The following PACRG variants were observed in gnomAD, a reference collection of about 807,000 sequenced individuals.
PACRG encodes parkin coregulated, also known as parkin coregulated gene protein.
In PACRG, 29 loss-of-function variants were observed where a neutral mutation model predicts 29.7. The ratio of observed to expected loss-of-function variants is 0.98; its 90% CI spans 0.73 to 1.33. The LOEUF is 1.33. Among genes scored for constraint, PACRG ranks in the 40% most tolerant of loss-of-function variants. The pLI is 0.00. For missense variants in PACRG, 279 were observed against 316.2 expected (o/e 0.88, Z 0.89); for synonymous variants, 116 against 118.7 (o/e 0.98, Z 0.15).
intron 2 of PACRG, among the ~76,000 whole-genome samples, chr6:162,957,039 T>TA (rs1173815340): frequency 7.7e-4 from 111 of 144,592 alleles, no homozygotes; most frequent in African/African-American, 7.1e-4. Flanking sequence ...GTAAAGCGTT[T>TA]AAAAAAAAAA....
chr6:163,130,792 G>A (rs1816703504), intron 4 of PACRG, among the ~76,000 whole-genome samples: 1 of 152,170 alleles, frequency 6.6e-6, no homozygotes, highest in Non-Finnish European at 1.5e-5. Flanking sequence ...GCCTGGGGTT[G>A]TGTCTGATCT....
chr6:162,976,435 A>T (rs1801966510), intron 2 of PACRG, among the ~76,000 whole-genome samples: 1 of 152,154 alleles, frequency 6.6e-6, no homozygotes, highest in Non-Finnish European at 1.5e-5. Flanking sequence ...TGGATAAAGG[A>T]CTGGAGTTGA....
chr6:163,180,353 C>G (rs1562952320), intron 4 of PACRG, among the ~76,000 whole-genome samples: 2 of 152,186 alleles, frequency 1.3e-5, no homozygotes, highest in African/African-American at 4.8e-5. Flanking sequence ...ACAAGATGTT[C>G]TACTAACTAG....
intron 2 of PACRG, among the ~76,000 whole-genome samples, chr6:163,015,481 A>C (rs148084441): frequency 0.013 from 1,997 of 152,300 alleles, 70 homozygotes; most frequent in Admixed American, 0.081. Context: ...CTTCTAATCC[A>C]TGAGCACAGA....
chr6:162,792,101 T>C (rs149456487), intron 1 of PACRG, among the ~76,000 whole-genome samples: 1 of 151,502 alleles, frequency 6.6e-6, no homozygotes, highest in African/African-American at 2.4e-5. Flanking sequence ...TTGAATGGAG[T>C]AGAGAAGTGT....
chr6:163,115,092 A>G (rs1423889070), intron 4 of PACRG, among the ~76,000 whole-genome samples: 1 of 152,226 alleles, frequency 6.6e-6, no homozygotes, highest in East Asian at 1.9e-4. Context: ...GTAATCAACC[A>G]TTGAAACTGT....
chr6:162,865,105 A>G (rs1792187239), intron 2 of PACRG, among the ~76,000 whole-genome samples: 1 of 152,196 alleles, frequency 6.6e-6, no homozygotes, highest in South Asian at 2.1e-4. Context: ...TCCCTCTAGG[A>G]CGGGATAAAA....
chr6:163,037,813 C>T (rs534992821), intron 2 of PACRG, among the ~76,000 whole-genome samples: 2 of 152,226 alleles, frequency 1.3e-5, no homozygotes, highest in Non-Finnish European at 2.9e-5. Flanking sequence ...GCTCTCCACT[C>T]ACCCTGTCTC....
intron 4 of PACRG, among the ~76,000 whole-genome samples, chr6:163,173,618 C>G (rs772507733): frequency 3.5e-4 from 54 of 152,310 alleles, no homozygotes; most frequent in African/African-American, 8.7e-4. Flanking sequence ...CGCTCTCCCC[C>G]GCAAGTGGCA....
At chr6:162,804,372 C>G (rs981030990) in intron 1 of PACRG, among the ~76,000 whole-genome samples, 3 of 152,138 alleles carry the variant, frequency 2.0e-5, no homozygotes, top group Non-Finnish European at 4.4e-5. Flanking sequence ...TAATCTAGGA[C>G]AGTGACTGAG....
At chr6:162,792,423 C>A (rs2128328282) in intron 1 of PACRG, among the ~76,000 whole-genome samples, 1 of 152,190 alleles carries the variant, frequency 6.6e-6, no homozygotes, top group South Asian at 2.1e-4. Context: ...AAATGGTAGT[C>A]TTAGAGTGGG....
chr6:162,883,807 GAACT>G (rs1249903270), intron 2 of PACRG, among the ~76,000 whole-genome samples: 37 of 152,026 alleles, frequency 2.4e-4, no homozygotes, highest in African/African-American at 8.7e-4. Flanking sequence ...ATTCCACATA[GAACT>G]TTTGAGTCCC....
chr6:163,060,257 T>A (rs1225036328), intron 2 of PACRG, among the ~76,000 whole-genome samples: 1 of 152,076 alleles, frequency 6.6e-6, no homozygotes. Context: ...AGTGTGACAA[T>A]AAGCTAAAAG....
chr6:162,871,957 A>T (rs1030444477), intron 2 of PACRG, among the ~76,000 whole-genome samples: 2 of 152,140 alleles, frequency 1.3e-5, no homozygotes, highest in African/African-American at 2.4e-5. Flanking sequence ...ACAAAAAAAA[A>T]CAAAAGACTA....
At chr6:163,065,879 G>A (rs147350560) in intron 3 of PACRG, among the ~76,000 whole-genome samples, 94 of 152,294 alleles carry the variant, frequency 6.2e-4, no homozygotes, top group Middle Eastern at 3.4e-3. Context: ...GCAACGTTAA[G>A]GCGCTCTCTC....
chr6:162,872,644 G>T (rs956825828), intron 2 of PACRG, among the ~76,000 whole-genome samples: 2 of 152,134 alleles, frequency 1.3e-5, no homozygotes, highest in African/African-American at 2.4e-5. Context: ...AACGTTCACA[G>T]GAAAGAAGAG....
intron 4 of PACRG, among the ~76,000 whole-genome samples, chr6:163,103,594 T>A (rs1479051031): frequency 6.6e-6 from 1 of 152,222 alleles, no homozygotes; most frequent in East Asian, 1.9e-4. Flanking sequence ...TAACCTTAAT[T>A]CTGTTTGCAA....
At chr6:163,006,112 G>A (rs1223310902) in intron 2 of PACRG, among the ~76,000 whole-genome samples, 2 of 132,022 alleles carry the variant, frequency 1.5e-5, no homozygotes, top group African/African-American at 2.9e-5. Context: ...ATAATATATA[G>A]AAACAAAACC....
At chr6:163,063,310 G>A (rs141189158) in intron 3 of PACRG, among the ~76,000 whole-genome samples, 1 of 152,066 alleles carries the variant, frequency 6.6e-6, no homozygotes, top group African/African-American at 2.4e-5. Flanking sequence ...TTCGAGGGGT[G>A]AGGAGGCCCC....
Sources: gnomAD v4.1 joint callset for allele counts (sites outside exome capture counted in the v4.1 genomes callset) on GRCh38, gnomAD v4.1.1 for gene constraint, MANE v1.5 for transcripts, NCBI Gene and HGNC (gene_info 2026-07-23, HGNC 2026-07-21) for gene names.